TTLL8: variants seen among roughly 807,000 people sequenced by gnomAD.
TTLL8 encodes the protein tubulin tyrosine ligase like 8, also known as protein monoglycylase TTLL8.
A neutral mutation model predicts 77.8 loss-of-function variants in TTLL8; 65 were observed. The ratio of observed to expected loss-of-function variants is 0.84; its 90% confidence interval spans 0.68 to 1.03. The LOEUF (loss-of-function observed/expected upper bound fraction) is 1.03, where lower values mean the gene tolerates loss of function less well. Ranked by LOEUF, TTLL8 falls within the 50% of genes least tolerant of loss-of-function variation. TTLL8 has a pLI of 0.00. For synonymous variants in TTLL8, 402 were observed against 422.8 expected (o/e 0.95, Z 0.60); for missense variants, 910 against 1,004.5 (o/e 0.91, Z 1.27).
At position 50,032,114 on chromosome 22, in the gene TTLL8, A is replaced by AG. The variant is rs745940321; in HGVS notation, c.1284-6dup. 24 of 1,348,188 alleles carry AG rather than the reference A, an allele frequency of 1.8e-5. No homozygotes were observed. Among genetic ancestry groups the AG allele is most frequent in the Non-Finnish European group, 2.2e-5 (22 of 1,011,394 alleles). The allele number at this position is 1,348,188 out of a possible 1,614,324, so 83.5% of individuals were successfully genotyped here. ...TTGTTGCACAGGTGGATGGCGCTGC[A>AG]GGGGGGACGAGGGGCAGGTGCTCAG... On this transcript the variant is annotated splice_region_variant and splice_polypyrimidine_tract_variant and intron_variant, in intron 10 of 13. Coordinates refer to ENST00000266182, the Ensembl canonical transcript of TTLL8.
chr22:50,055,388 T>C, upstream of TTLL8: 2 of 1,219,526 alleles, frequency 1.6e-6, no homozygotes, highest in Non-Finnish European at 2.2e-6. Flanking sequence ...GCACGGTGGC[T>C]CATGCCTGTA....
At chr22:50,025,553 C>T (rs961601657) in intron 12 of TTLL8, among the ~76,000 whole-genome samples, 4 of 152,096 alleles carry the variant, frequency 2.6e-5, no homozygotes, top group Non-Finnish European at 4.4e-5. Flanking sequence ...GCAGGAGAAT[C>T]GCTTAGAACC....
At chr22:50,053,247 T>C (rs908822710) in intron 1 of TTLL8, among the ~76,000 whole-genome samples, 1 of 147,656 alleles carries the variant, frequency 6.8e-6, no homozygotes, top group African/African-American at 2.5e-5. Context: ...AAGCACACTC[T>C]ACACCAACTG....
upstream of TTLL8, chr22:50,055,159 C>T: frequency 8.0e-7 from 1 of 1,254,338 alleles, no homozygotes; most frequent in South Asian, 1.3e-5. Flanking sequence ...GCCAGATGGA[C>T]AGATTCCAAG....
chr22:50,036,884 C>T (rs374446893), intron 8 of TTLL8, among the ~76,000 whole-genome samples: 7 of 152,282 alleles, frequency 4.6e-5, no homozygotes, highest in South Asian at 4.1e-4. Context: ...AGGTGTGAGC[C>T]GCCGCGCCCA....
intron 6 of TTLL8, among the ~76,000 whole-genome samples, chr22:50,042,290 C>T (rs1403899098): frequency 1.3e-5 from 2 of 152,166 alleles, no homozygotes; most frequent in African/African-American, 4.8e-5. Flanking sequence ...TCTTGAAACT[C>T]AACAATAAGA....
intron 12 of TTLL8, among the ~76,000 whole-genome samples, chr22:50,018,590 G>A (rs2061178551): frequency 6.6e-6 from 1 of 152,224 alleles, no homozygotes; most frequent in Admixed American, 6.5e-5. Flanking sequence ...TCAAATTCCA[G>A]GTTGAATAAG....
At chr22:50,030,590 G>A (rs1440417034) in exon 12 of TTLL8, 3 of 1,298,216 alleles carry the variant, frequency 2.3e-6, no homozygotes, top group South Asian at 1.3e-5. Context: ...CGTGGCGACA[G>A]GGGCAGGCCG....
chr22:50,024,288 C>T (rs945022985), intron 12 of TTLL8, among the ~76,000 whole-genome samples: 1 of 152,066 alleles, frequency 6.6e-6, no homozygotes, highest in Non-Finnish European at 1.5e-5. Flanking sequence ...AGGTGCCTGC[C>T]ACCATGCCTG....
At chr22:50,031,946 T>G (rs1438539158) in exon 11 of TTLL8, 2 of 1,366,788 alleles carry the variant, frequency 1.5e-6, no homozygotes, top group African/African-American at 1.5e-5. Flanking sequence ...GCCTTCTTCA[T>G]GGACGGGTAG....
chr22:50,056,472 C>T (rs559971679), upstream of TTLL8, among the ~76,000 whole-genome samples: 14 of 152,244 alleles, frequency 9.2e-5, no homozygotes, highest in South Asian at 2.1e-4. This position sits in a 1 kb window ranked among gnomAD's most constrained non-coding sequence, Gnocchi z 4.1. Context: ...GCTAAGTATG[C>T]GCCTGCCATG....
intron 12 of TTLL8, among the ~76,000 whole-genome samples, chr22:50,020,538 TACTCCTCCATCTGACATGC>T (rs71196401): frequency 6.9e-6 from 1 of 144,048 alleles, no homozygotes; most frequent in African/African-American, 2.6e-5. Flanking sequence ...TGATGATGTG[TACTCCTCCATCTGACATGC>T]ACTCCTCCAT....
At chr22:50,038,010 T>TACAC (rs139308851) in intron 8 of TTLL8, among the ~76,000 whole-genome samples, 262 of 151,052 alleles carry the variant, frequency 1.7e-3, no homozygotes, top group Middle Eastern at 3.4e-3. Flanking sequence ...TAACATGTTA[T>TACAC]ACACACACAC....
upstream of TTLL8, chr22:50,056,699 T>C (rs2061472601): frequency 1.0e-6 from 1 of 965,594 alleles, no homozygotes; most frequent in Admixed American, 6.2e-5. This position sits in a 1 kb window ranked among gnomAD's most constrained non-coding sequence, Gnocchi z 4.1. Flanking sequence ...CCAACACCCC[T>C]GGGGTCCTCC....
intron 12 of TTLL8, among the ~76,000 whole-genome samples, chr22:50,019,236 C>A (rs1171954092): frequency 6.6e-6 from 1 of 152,028 alleles, no homozygotes; most frequent in South Asian, 2.1e-4. Context: ...GAAGGAAAAA[C>A]CAAAATGAGA....
At chr22:50,035,215 A>G (rs9617058) in intron 8 of TTLL8, among the ~76,000 whole-genome samples, 73,763 of 151,764 alleles carry the variant, frequency 0.49, 18,623 homozygotes, top group Non-Finnish European at 0.57. Flanking sequence ...TGGGGACCCC[A>G]TGACGTCCTG....
chr22:50,041,420 A>G lies in TTLL8; in HGVS notation c.831-143T>C. On this transcript the variant is annotated intron_variant, in intron 7 of 13. Coordinates refer to ENST00000266182, the Ensembl canonical transcript of TTLL8. This position sits in a 1 kb window ranked among gnomAD's most constrained non-coding sequence, Gnocchi z 4.3. ...CAACAAGTATCCCAGACATCCAGAC[A>G]GACACCACAATACTCAACAAGCATC... 6 of 1,039,094 alleles carry G rather than the reference A, an allele frequency of 5.8e-6. No homozygotes were observed. The highest frequency in any genetic ancestry group is 7.7e-6 in the Non-Finnish European group (6 of 778,640). The allele number at this position is 1,039,094 out of a possible 1,614,324, so 64.4% of individuals were successfully genotyped here. A position where few individuals can be genotyped will look rare whatever the true frequency, so the allele number is the denominator to read the frequency against.
chr22:50,043,659 C>T (rs1386271867), intron 6 of TTLL8, among the ~76,000 whole-genome samples: 1 of 150,748 alleles, frequency 6.6e-6, no homozygotes, highest in Non-Finnish European at 1.5e-5. Context: ...AGTGGTAGAT[C>T]TAGACAGTGG....
Position 50,041,751 on chromosome 22 carries a change from C to T in TTLL8, c.700G>A (p.Ala234Thr), listed in dbSNP as rs756054075. 84 of 1,365,304 alleles carry T rather than the reference C, an allele frequency of 6.2e-5. 2 individuals are homozygous for T. In the South Asian group the frequency reaches 8.5e-4, roughly 14 times the overall value. 84.6% of individuals were successfully genotyped at this position (1,365,304 alleles called of 1,614,324 possible). ...AGGTAGGCCTGGCACACCTTGCACG[C>T]GATGTCCACAAGCTGCCCCGGGAGG... The change falls in exon 7 of 14, where the codon GCG becomes ACG. Residue 234 changes from alanine (A) to threonine (T), a missense_variant. Around this residue, in one of 2 missense-constraint regions of TTLL8, gnomAD observed 776 missense variants for 926.1 expected, o/e 0.84. Coordinates refer to ENST00000266182, the Ensembl canonical transcript of TTLL8. The surrounding 1 kb of genome is among the most constrained non-coding windows in gnomAD (Gnocchi z 4.3).
Sources: gnomAD v4.1 joint callset for allele counts (sites outside exome capture counted in the v4.1 genomes callset) on GRCh38, gnomAD v4.1.1 for gene constraint, gnomAD v4.1.1 regional missense constraint, Gnocchi (gnomAD v3.1) non-coding constraint, MANE v1.5 for transcripts, NCBI Gene and HGNC (gene_info 2026-07-23, HGNC 2026-07-21) for gene names.